ARHGAP32: variants seen among roughly 807,000 people sequenced by gnomAD.
ARHGAP32 encodes the protein Rho GTPase activating protein 32, also known as rho GTPase-activating protein 32.
ARHGAP32 carries 51 observed loss-of-function variants against 186.5 expected under a neutral mutation model. That is an observed-to-expected ratio of 0.27 (90% CI 0.22 to 0.35). The LOEUF (loss-of-function observed/expected upper bound fraction) is 0.35. Among genes scored for constraint, ARHGAP32 ranks in the 10% least tolerant of loss-of-function variants. The pLI is 1.00. For synonymous variants in ARHGAP32, 950 were observed against 964.3 expected (o/e 0.99, Z 0.27); for missense variants, 2,186 against 2,623.5 (o/e 0.83, Z 3.64).
At chr11:129,052,042 T>G (rs1191235557) in intron 10 of ARHGAP32, among the ~76,000 whole-genome samples, 1 of 151,612 alleles carries the variant, frequency 6.6e-6, no homozygotes, top group Admixed American at 6.6e-5. Context: ...TCTTGAAGTT[T>G]TATAGTTTAT....
chr11:129,193,554 A>ATAT (rs1565464488), upstream of ARHGAP32, among the ~76,000 whole-genome samples: 5 of 12,478 alleles, frequency 4.0e-4, no homozygotes, highest in African/African-American at 1.7e-3. Flanking sequence ...TATATAATAT[A>ATAT]TATATATTAT....
Position 128,965,582 on chromosome 11 carries a change from G to GTTA in ARHGAP32, c.*3322_*3324dup, listed in dbSNP as rs1251614954. 6.6e-6 allele frequency: 1 copy of GTTA among 152,100 alleles called. No homozygotes were observed. The highest frequency in any genetic ancestry group is 1.5e-5 in the Non-Finnish European group (1 of 68,020). 9.4% of individuals were successfully genotyped at this position (152,100 alleles called of 1,614,324 possible). ...TGCACACTGACATTATCTTGCACAC[G>GTTA]TTATAATACACCATTCCTGACATTT... is the stretch of plus-strand genomic sequence containing the variant. On this transcript the variant is annotated 3_prime_UTR_variant, in exon 23 of 23. Transcript: ENST00000682385.
intron 22 of ARHGAP32, chr11:128,971,949 C>A (rs1945386954): frequency 6.6e-6 from 1 of 152,306 alleles, no homozygotes; most frequent in Non-Finnish European, 1.5e-5. Flanking sequence ...AACAAAAAAT[C>A]CCAAGGCACT....
At chr11:129,170,656 T>C (rs912226260) in intron 1 of ARHGAP32, among the ~76,000 whole-genome samples, 2 of 152,222 alleles carry the variant, frequency 1.3e-5, no homozygotes, top group Non-Finnish European at 2.9e-5. Context: ...TGCAAGTGCC[T>C]TTATAGTAGA....
chr11:129,065,940 AT>A (rs1236972956), intron 7 of ARHGAP32, among the ~76,000 whole-genome samples: 1 of 152,078 alleles, frequency 6.6e-6, no homozygotes, highest in Non-Finnish European at 1.5e-5. Flanking sequence ...AGCTGGGTAC[AT>A]TCTGTATGGA....
chr11:129,111,307 G>A (rs1227620659), intron 5 of ARHGAP32, among the ~76,000 whole-genome samples: 1 of 152,126 alleles, frequency 6.6e-6, no homozygotes, highest in East Asian at 1.9e-4. Context: ...TTGATGTGCT[G>A]TTGGATTCAG....
At chr11:129,165,481 A>G (rs916096649) in intron 1 of ARHGAP32, among the ~76,000 whole-genome samples, 13 of 151,216 alleles carry the variant, frequency 8.6e-5, no homozygotes, top group African/African-American at 3.2e-4. Context: ...AATCAGAAGT[A>G]CGAGAAGAAA....
intron 11 of ARHGAP32, among the ~76,000 whole-genome samples, chr11:129,014,955 A>T (rs1938262908): frequency 6.6e-6 from 1 of 152,180 alleles, no homozygotes; most frequent in Admixed American, 6.5e-5. Context: ...TTTAATTTAA[A>T]ATTCCATAAA....
intron 2 of ARHGAP32, among the ~76,000 whole-genome samples, chr11:129,140,388 C>T (rs1437343629): frequency 6.6e-6 from 1 of 152,200 alleles, no homozygotes; most frequent in Non-Finnish European, 1.5e-5. Context: ...ACATGCAGAA[C>T]TGTGAGATAA....
At position 128,969,951 on chromosome 11, in the gene ARHGAP32, G is replaced by A. The variant is rs758710309; in HGVS notation, c.5262C>T (p.Thr1754=). 8.7e-6 allele frequency: 14 copies of A among 1,614,120 alleles called. No homozygotes were observed. The highest frequency in any genetic ancestry group is 1.3e-5 in the African/African-American group (1 of 74,940). ...TTTCCATGTCCTCAAGATCCCATGA[G>A]GTGTAGGTGTGCTTCACATCAGCAG... ...PPAADVKHTY[T]SWDLEDMEKY... is the part of the protein sequence containing the mutation. The change falls in exon 23 of 23, where the codon ACC becomes ACT. Residue 1754 remains threonine (T), a synonymous_variant. Transcript: ENST00000682385. The surrounding 1 kb of genome is among the most constrained non-coding windows in gnomAD (Gnocchi z 4.8).
intron 1 of ARHGAP32, among the ~76,000 whole-genome samples, chr11:129,275,959 G>C (rs1945524355): frequency 6.6e-6 from 1 of 152,166 alleles, no homozygotes; most frequent in Non-Finnish European, 1.5e-5. Context: ...AACCTCCTTT[G>C]GTATTGTGAA....
chr11:129,033,837 C>G (rs1395390377), intron 11 of ARHGAP32, among the ~76,000 whole-genome samples: 1 of 152,034 alleles, frequency 6.6e-6, no homozygotes, highest in Non-Finnish European at 1.5e-5. Flanking sequence ...AATGACTGTT[C>G]TTTTGAAACT....
At chr11:129,269,052 C>G (rs993899173) in intron 1 of ARHGAP32, among the ~76,000 whole-genome samples, 10 of 152,146 alleles carry the variant, frequency 6.6e-5, no homozygotes, top group South Asian at 2.1e-4. Context: ...AGTTGAATCA[C>G]TTGAGTCCAG....
At chr11:129,152,194 C>G (rs1464506897) in intron 2 of ARHGAP32, among the ~76,000 whole-genome samples, 1 of 152,072 alleles carries the variant, frequency 6.6e-6, no homozygotes, top group East Asian at 1.9e-4. Flanking sequence ...CTGTACACAC[C>G]AAGTAGTCTG....
rs182156644 is a variant in ARHGAP32 at position 129,267,961 on chromosome 11, C to T, written c.-5+11185G>A. Among the ~76,000 whole-genome samples the T allele has an allele frequency of 2.6e-5, 4 of 152,106 alleles. No individual in the cohort carries two copies. The East Asian group carries it at 5.8e-4, about 22-fold the overall frequency. On this transcript the variant is annotated intron_variant, in intron 1 of 6. Coordinates refer to the ARHGAP32 transcript ENST00000525234. ...AGGGACAGCTCGCTCACTCACCCCC[C>T]ACCCACGGAAGGCATTAATGTAGAC...
rs200383826 is a variant in ARHGAP32 at position 129,027,766 on chromosome 11, AT to A, written c.1045+13161del. ...CCGTCTCTCAGGTTTATTTCTCTTC[AT>A]TGCCCTTATCTATCATACTATATTG... On this transcript the variant is annotated intron_variant, in intron 11 of 22. Transcript: ENST00000682385. Among the ~76,000 whole-genome samples, 59 of 152,178 alleles carry A rather than the reference AT, an allele frequency of 3.9e-4. No homozygotes were observed. In the East Asian group the frequency reaches 9.5e-3, roughly 24 times the overall value.
intron 11 of ARHGAP32, among the ~76,000 whole-genome samples, chr11:129,008,202 T>G (rs1356168061): frequency 6.6e-6 from 1 of 152,112 alleles, no homozygotes; most frequent in African/African-American, 2.4e-5. Context: ...GCTCACCTGA[T>G]TTTTGGTTTC....
intron 11 of ARHGAP32, among the ~76,000 whole-genome samples, chr11:129,016,100 T>C (rs1206530193): frequency 6.6e-6 from 1 of 152,242 alleles, no homozygotes; most frequent in East Asian, 1.9e-4. Context: ...TATTTCACTT[T>C]AATACGCATT....
chr11:129,202,559 A>G (rs1402103827), intron 1 of ARHGAP32, among the ~76,000 whole-genome samples: 1 of 152,222 alleles, frequency 6.6e-6, no homozygotes, highest in African/African-American at 2.4e-5. Context: ...TGCGATATAA[A>G]TAAGAAAACT....
Sources: gnomAD v4.1 joint callset for allele counts (sites outside exome capture counted in the v4.1 genomes callset) on GRCh38, gnomAD v4.1.1 for gene constraint, Gnocchi (gnomAD v3.1) non-coding constraint, MANE v1.5 for transcripts, NCBI Gene and HGNC (gene_info 2026-07-23, HGNC 2026-07-21) for gene names.